CELF2: variants seen among roughly 807,000 people sequenced by gnomAD.
CELF2 encodes the protein CUG triplet repeat RNA-binding protein 2.
A neutral mutation model predicts 62.6 loss-of-function variants in CELF2; 8 were observed. The ratio of observed to expected loss-of-function variants is 0.13; its 90% CI spans 0.07 to 0.23. The LOEUF is 0.23. Ranked by LOEUF, CELF2 falls within the 10% of genes least tolerant of loss-of-function variation. The probability of loss-of-function intolerance (pLI) is 1.00; values close to 1 mark genes in which losing one functional copy is unlikely to be tolerated. For synonymous variants in CELF2, 258 were observed against 250.0 expected (o/e 1.03, Z -0.30); for missense variants, 333 against 671.0 (o/e 0.50, Z 5.56).
rs189159146 is a variant in CELF2 at position 11,009,365 on chromosome 10, G to C, written c.53+3925G>C. Among the ~76,000 whole-genome samples the C allele has an allele frequency of 8.8e-4, 134 of 152,068 alleles. 1 individual carries two copies. Among genetic ancestry groups the C allele is most frequent in the African/African-American group, 3.1e-3 (128 of 41,462 alleles). ...CGTGTGTGTGAGTGTGTGTGTGTGC[G>C]TGCGCGCGTCGGAACCTCCGTTCAA... On this transcript the variant is annotated intron_variant, in intron 1 of 12. Coordinates refer to the CELF2 transcript ENST00000416382.
intron 1 of CELF2, among the ~76,000 whole-genome samples, chr10:11,031,893 C>A (rs2060170056): frequency 6.6e-6 from 1 of 152,140 alleles, no homozygotes; most frequent in South Asian, 2.1e-4. Flanking sequence ...CAATGATGAT[C>A]GTATAATTTG....
chr10:10,576,160 C>T, the CELF2 span, among the ~76,000 whole-genome samples: 3 of 152,130 alleles, frequency 2.0e-5, no homozygotes, highest in Non-Finnish European at 2.9e-5. Context: ...AGAGTTCTCC[C>T]TCATCCCTCT....
At chr10:10,794,683 G>T (rs1173926313), upstream of CELF2, 1 of 152,006 alleles carries the variant, frequency 6.6e-6, no homozygotes, top group Admixed American at 6.6e-5. Context: ...TTATTAAATG[G>T]TTGGCTTTAC....
the CELF2 span, among the ~76,000 whole-genome samples, chr10:10,741,089 A>G: frequency 6.6e-6 from 1 of 152,212 alleles, no homozygotes; most frequent in African/African-American, 2.4e-5. Flanking sequence ...TGCTCTTACC[A>G]CTAAAAAAAA....
chr10:10,585,019 C>G, the CELF2 span, among the ~76,000 whole-genome samples: 3 of 151,830 alleles, frequency 2.0e-5, no homozygotes, highest in South Asian at 6.3e-4. Flanking sequence ...AAGGATATAG[C>G]AAGAATTAAA....
chr10:10,649,674 C>T, the CELF2 span, among the ~76,000 whole-genome samples: 2 of 152,312 alleles, frequency 1.3e-5, no homozygotes, highest in South Asian at 2.1e-4. Context: ...ATGATTCCCT[C>T]ATGCATCTAG....
At chr10:11,128,833 T>C in intron 1 of CELF2, among the ~76,000 whole-genome samples, 1 of 152,162 alleles carries the variant, frequency 6.6e-6, no homozygotes, top group East Asian at 1.9e-4. Flanking sequence ...ACAGGGACAA[T>C]TTGACTTCCT....
chr10:10,727,265 C>A, the CELF2 span, among the ~76,000 whole-genome samples: 1 of 152,306 alleles, frequency 6.6e-6, no homozygotes, highest in Non-Finnish European at 1.5e-5. Context: ...AAATAAGATC[C>A]CTCTAAGGGT....
At chr10:10,866,359 C>G (rs949701280) in intron 1 of CELF2, among the ~76,000 whole-genome samples, 1 of 78,128 alleles carries the variant, frequency 1.3e-5, no homozygotes, top group African/African-American at 8.5e-5. Flanking sequence ...TGCCTGTAAT[C>G]CCAGCACTTT....
At chr10:11,322,527 AAG>A (rs748980617) in intron 11 of CELF2, among the ~76,000 whole-genome samples, 5 of 152,140 alleles carry the variant, frequency 3.3e-5, no homozygotes, top group Non-Finnish European at 5.9e-5. Flanking sequence ...GAGAAGCACT[AAG>A]GGAGATTTTT....
the CELF2 span, among the ~76,000 whole-genome samples, chr10:10,762,271 G>A: frequency 6.6e-6 from 1 of 152,086 alleles, no homozygotes; most frequent in East Asian, 1.9e-4. Context: ...CAGGAAGAAT[G>A]GATGTCCACT....
intron 2 of CELF2, among the ~76,000 whole-genome samples, chr10:10,963,308 G>A (rs961942870): frequency 6.6e-6 from 1 of 152,064 alleles, no homozygotes; most frequent in East Asian, 1.9e-4. Context: ...ACCCACGTTG[G>A]CCTCCCAAAG....
chr10:11,275,871 A>T (rs1265754724), intron 8 of CELF2, among the ~76,000 whole-genome samples: 1 of 152,134 alleles, frequency 6.6e-6, no homozygotes, highest in African/African-American at 2.4e-5. Flanking sequence ...GAGCGCAATA[A>T]ATCAGAACAC....
In CELF2 at chr10:11,060,875, A is replaced by C. The variant is rs139297977; in HGVS notation, c.74+42712A>C. Among the ~76,000 whole-genome samples the C allele has an allele frequency of 4.9e-3, 743 of 152,314 alleles. 6 individuals carry two copies. Among genetic ancestry groups the C allele is most frequent in the African/African-American group, 0.017 (726 of 41,566 alleles). On this transcript the variant is annotated intron_variant, in intron 1 of 12. Coordinates refer to ENST00000633077, the MANE Select transcript of CELF2 (RefSeq NM_001326342.2). ...GGGTGTCAGGAACAGTTCCCATAGA[A>C]GACAGTGAGCTTAATAAAAGTTGTG...
Position 11,217,551 on chromosome 10 carries a change from A to C in CELF2, c.354+44A>C. The C allele has an allele frequency of 7.0e-7, 1 of 1,433,622 alleles. No homozygotes were observed. The highest frequency in any genetic ancestry group is 1.2e-5 in the South Asian group (1 of 84,284). The allele number at this position is 1,433,622 out of a possible 1,614,324, so 88.8% of individuals were successfully genotyped here. ...GTACCAGAATCACTTTATTGCTTGA[A>C]AATGGTCCTTTCAACTGAAGGTTCT... is the stretch of plus-strand genomic sequence containing the variant. On this transcript the variant is annotated intron_variant, in intron 3 of 12. Coordinates refer to ENST00000633077, the MANE Select transcript of CELF2 (RefSeq NM_001326342.2). The surrounding 1 kb of genome is among the most constrained non-coding windows in gnomAD (Gnocchi z 5.6).
chr10:10,577,856 G>C, the CELF2 span, among the ~76,000 whole-genome samples: 3 of 151,950 alleles, frequency 2.0e-5, no homozygotes, highest in African/African-American at 4.8e-5. Context: ...ATGATTTATA[G>C]TCCTTTGGGT....
chr10:10,666,990 A>G, the CELF2 span, among the ~76,000 whole-genome samples: 1 of 152,180 alleles, frequency 6.6e-6, no homozygotes, highest in Admixed American at 6.5e-5. Flanking sequence ...CACACACCAC[A>G]GCATACATTT....
chr10:11,068,382 A>G (rs2068725736), intron 1 of CELF2, among the ~76,000 whole-genome samples: 1 of 152,206 alleles, frequency 6.6e-6, no homozygotes, highest in Admixed American at 6.5e-5. Context: ...TGATGCCAAT[A>G]TCTTAAAGGT....
intron 1 of CELF2, among the ~76,000 whole-genome samples, chr10:10,908,672 G>A (rs1284060984): frequency 6.6e-6 from 1 of 152,054 alleles, no homozygotes; most frequent in Non-Finnish European, 1.5e-5. Context: ...ACAACAAAAA[G>A]ATTCTTTCAA....
Sources: allele counts gnomAD v4.1 joint callset (sites outside exome capture counted in the v4.1 genomes callset), GRCh38; gene constraint gnomAD v4.1.1; non-coding constraint Gnocchi (gnomAD v3.1); transcripts MANE v1.5; gene names NCBI Gene and HGNC (gene_info 2026-07-23, HGNC 2026-07-21).